Variants in B3GALT1 observed in about 807,000 individuals in gnomAD.
The protein encoded by B3GALT1 is beta-1,3-galactosyltransferase 1.
In B3GALT1, 10 loss-of-function variants were observed where a neutral mutation model predicts 23.2. The observed-to-expected ratio is 0.43, with a 90% confidence interval of 0.27 to 0.73. The LOEUF (loss-of-function observed/expected upper bound fraction) is 0.73, where lower values mean the gene tolerates loss of function less well. Ranked by LOEUF, B3GALT1 falls within the 30% of genes least tolerant of loss-of-function variation. The probability of loss-of-function intolerance (pLI) is 0.21; values close to 1 mark genes in which losing one functional copy is unlikely to be tolerated. For synonymous variants in B3GALT1, 156 were observed against 141.5 expected, an observed-to-expected ratio of 1.10 and a Z score of -0.73; for missense variants, 299 against 405.4, an observed-to-expected ratio of 0.74 and a Z score of 2.25.
At chr2:167,824,216 G>T (rs1483215909) in intron 4 of B3GALT1, among the ~76,000 whole-genome samples, 1 of 152,202 alleles carries the variant, frequency 6.6e-6, no homozygotes, top group Non-Finnish European at 1.5e-5. Context: ...ACTGCAGCAG[G>T]ATAAGACCAT....
intron 2 of B3GALT1, among the ~76,000 whole-genome samples, chr2:167,507,504 C>CAA (rs60408245): frequency 0.025 from 676 of 26,578 alleles, 94 homozygotes; most frequent in Non-Finnish European, 0.044. Context: ...GACTCCGTCT[C>CAA]AAAAAAAAAA....
chr2:167,621,387 G>A (rs1015423295), intron 2 of B3GALT1, among the ~76,000 whole-genome samples: 1 of 151,980 alleles, frequency 6.6e-6, no homozygotes, highest in Non-Finnish European at 1.5e-5. Flanking sequence ...TGCCTGGCCA[G>A]TGAGTTATTT....
Position 167,410,978 on chromosome 2 carries a change from A to G in B3GALT1, c.-510-79199A>G, listed in dbSNP as rs555427279. On this transcript the variant is annotated intron_variant, in intron 1 of 4. Coordinates refer to ENST00000392690, the MANE Select transcript of B3GALT1 (RefSeq NM_020981.4). ...CTATACAAATGTATTTTACCTTAAGAAAAAGGAGCATATATCAAATAATTT... is the reference window on the plus strand; with the variant it reads ...CTATACAAATGTATTTTACCTTAAGGAAAAGGAGCATATATCAAATAATTT... 1.4e-4 allele frequency among the ~76,000 whole-genome samples: 22 copies of G among 152,252 alleles called. No homozygotes were observed. In the South Asian group the frequency reaches 4.3e-3, roughly 30 times the overall value.
At chr2:167,714,116 A>G in intron 3 of B3GALT1, 4 of 1,527,438 alleles carry the variant, frequency 2.6e-6, no homozygotes, top group Non-Finnish European at 9.1e-7. Context: ...TGACCCATCC[A>G]TTTTATCCAA....
At chr2:167,380,461 T>C (rs1697833198) in intron 1 of B3GALT1, among the ~76,000 whole-genome samples, 1 of 152,138 alleles carries the variant, frequency 6.6e-6, no homozygotes, top group South Asian at 2.1e-4. Flanking sequence ...CTAGCCTTAC[T>C]GCTGAGGCAC....
intron 1 of B3GALT1, among the ~76,000 whole-genome samples, chr2:167,475,251 A>G (rs903603162): frequency 1.3e-5 from 2 of 152,100 alleles, no homozygotes; most frequent in African/African-American, 4.8e-5. Context: ...TGTCCAGCAT[A>G]TCCACACTGG....
At chr2:167,659,673 C>G (rs1287665128) in intron 3 of B3GALT1, among the ~76,000 whole-genome samples, 1 of 151,990 alleles carries the variant, frequency 6.6e-6, no homozygotes, top group African/African-American at 2.4e-5. Context: ...TGTAAAGAGA[C>G]CATTTTAGCC....
At chr2:167,425,210 G>A (rs953950429) in intron 1 of B3GALT1, among the ~76,000 whole-genome samples, 2 of 152,234 alleles carry the variant, frequency 1.3e-5, no homozygotes, top group Non-Finnish European at 2.9e-5. Flanking sequence ...TTTGTGTCCT[G>A]TGTAGAGTGC....
At chr2:167,779,065 C>T (rs1386691213) in intron 3 of B3GALT1, among the ~76,000 whole-genome samples, 4 of 152,186 alleles carry the variant, frequency 2.6e-5, no homozygotes, top group Admixed American at 6.5e-5. Context: ...TAGATCTATG[C>T]AGACGCACTC....
At chr2:167,422,574 T>G (rs1195721308) in intron 1 of B3GALT1, among the ~76,000 whole-genome samples, 2 of 152,098 alleles carry the variant, frequency 1.3e-5, no homozygotes, top group Non-Finnish European at 2.9e-5. Context: ...TTATGCCAAG[T>G]GAGAGGCAAT....
intron 2 of B3GALT1, chr2:167,558,317 A>G (rs1196617097): frequency 6.6e-6 from 1 of 152,258 alleles, no homozygotes; most frequent in Non-Finnish European, 1.5e-5. Context: ...TTTTAAGAAT[A>G]ACAGAGGAGC....
chr2:167,624,455 A>G (rs913490663), intron 2 of B3GALT1, among the ~76,000 whole-genome samples: 4 of 152,204 alleles, frequency 2.6e-5, no homozygotes, highest in Non-Finnish European at 5.9e-5. Flanking sequence ...CAGTTCATCT[A>G]TGTTACATGC....
At chr2:167,338,515 A>G (rs1289489849) in intron 1 of B3GALT1, among the ~76,000 whole-genome samples, 1 of 152,120 alleles carries the variant, frequency 6.6e-6, no homozygotes, top group Non-Finnish European at 1.5e-5. Context: ...GAATACCCGA[A>G]AACTTAGTAG....
intron 2 of B3GALT1, among the ~76,000 whole-genome samples, chr2:167,555,200 A>G (rs1195344476): frequency 3.9e-5 from 6 of 152,222 alleles, no homozygotes; most frequent in African/African-American, 1.4e-4. Context: ...ATAGAGAAGC[A>G]TAGGAATAGA....
intron 3 of B3GALT1, among the ~76,000 whole-genome samples, chr2:167,814,359 A>G (rs1688948890): frequency 6.6e-6 from 1 of 152,196 alleles, no homozygotes; most frequent in African/African-American, 2.4e-5. Context: ...TCCTGAGATT[A>G]GATTAATACT....
intron 1 of B3GALT1, among the ~76,000 whole-genome samples, chr2:167,413,973 T>C (rs1284649993): frequency 2.0e-5 from 3 of 152,170 alleles, no homozygotes. Context: ...TTGATATATT[T>C]AATATATCAG....
chr2:167,361,267 C>T (rs985152323), intron 1 of B3GALT1, among the ~76,000 whole-genome samples: 1 of 139,920 alleles, frequency 7.1e-6, no homozygotes, highest in African/African-American at 2.7e-5. Context: ...TTTAAGAAGT[C>T]CTCCATGTGA....
At chr2:167,749,023 A>T (rs1332163995) in intron 3 of B3GALT1, among the ~76,000 whole-genome samples, 1 of 152,156 alleles carries the variant, frequency 6.6e-6, no homozygotes, top group Non-Finnish European at 1.5e-5. Flanking sequence ...ATAAATAAAA[A>T]ACAGACAAGC....
At chr2:167,623,154 C>T (rs1050680145) in intron 2 of B3GALT1, among the ~76,000 whole-genome samples, 22 of 152,142 alleles carry the variant, frequency 1.4e-4, no homozygotes, top group African/African-American at 5.3e-4. Context: ...AATAGGAACA[C>T]TTTTACACTG....
Sources: allele counts gnomAD v4.1 joint callset (sites outside exome capture counted in the v4.1 genomes callset), GRCh38; gene constraint gnomAD v4.1.1; transcripts MANE v1.5; gene names NCBI Gene and HGNC (gene_info 2026-07-23, HGNC 2026-07-21).